Variants in ATR observed in about 807,000 individuals in gnomAD.
ATR encodes the protein ATR checkpoint kinase.
Under a neutral mutation model 305.3 loss-of-function variants are expected in ATR, and 142 were observed. The observed-to-expected ratio is 0.47, with a 90% CI of 0.41 to 0.53. The LOEUF is 0.53. ATR is among the 20% of genes least tolerant of loss of function. The pLI, the probability that ATR is intolerant of heterozygous loss-of-function variation, is 0.00. For synonymous variants in ATR, 1,050 were observed against 1,068.1 expected, an observed-to-expected ratio of 0.98 and a Z score of 0.33; for missense variants, 2,135 against 3,133.1, an observed-to-expected ratio of 0.68 and a Z score of 7.60.
chr3:142,543,286 TATC>T (rs2034123575), intron 16 of ATR, among the ~76,000 whole-genome samples: 1 of 152,280 alleles, frequency 6.6e-6, no homozygotes, highest in African/African-American at 2.4e-5. Flanking sequence ...GCAGACTAGA[TATC>T]ATCATCCATG....
intron 46 of ATR, chr3:142,450,557 A>C: frequency 6.2e-7 from 1 of 1,607,572 alleles, no homozygotes; most frequent in South Asian, 1.1e-5. Flanking sequence ...GTACCCTTTG[A>C]AGCACAAACT....
intron 15 of ATR, 62 bp from the exon 16 acceptor site, chr3:142,547,972 T>TGA: frequency 7.0e-7 from 1 of 1,430,980 alleles, no homozygotes. Flanking sequence ...GAAATAAGTA[T>TGA]ACTGATTTTA....
chr3:142,465,274 C>A (rs2071101602), intron 40 of ATR, 34 bp from the exon 41 acceptor site: 3 of 1,566,266 alleles, frequency 1.9e-6, no homozygotes, highest in African/African-American at 1.4e-5. Flanking sequence ...GAATTAGGGC[C>A]AAAAATTTCT....
chr3:142,553,989 A>T lies in ATR; in HGVS notation c.2368T>A (p.Cys790Ser). 6.2e-7 allele frequency: 1 copy of T among 1,609,296 alleles called. No individual in the cohort carries two copies. The highest frequency in any genetic ancestry group is 1.7e-5 in the Admixed American group (1 of 59,610). Residue 790 changes from cysteine to serine, a missense_variant, in exon 11 of 47, where the codon TGT (cysteine) becomes AGT (serine). Cys to Ser is a moderately radical substitution (Grantham distance 112, BLOSUM62 -1). Coordinates refer to ENST00000350721, the MANE Select transcript of ATR (RefSeq NM_001184.4). ...LAFIDNLHHL[C>S]KHLDFREDET... ...TCTTCTCTAAAATCAAGATGCTTAC[A>T]AAGATGATGTAGATTATCTATGAAA...
chr3:142,480,194 T>G (rs990686264), intron 36 of ATR, among the ~76,000 whole-genome samples: 1 of 152,236 alleles, frequency 6.6e-6, no homozygotes, highest in Non-Finnish European at 1.5e-5. Flanking sequence ...TTTTCTGTTC[T>G]GTTTTTTCCC....
rs997244575 is a variant in ATR, at chr3:142,519,795, A to T, written c.4267-11T>A. The T allele has an allele frequency of 6.4e-7, 1 of 1,555,674 alleles. No homozygotes were observed. Among genetic ancestry groups the T allele is most frequent in the East Asian group, 2.2e-5 (1 of 44,584 alleles). On this transcript the variant is annotated splice_polypyrimidine_tract_variant and intron_variant, in intron 23 of 46. Coordinates refer to ENST00000350721, the MANE Select transcript of ATR (RefSeq NM_001184.4). ...AATAGAAAGCAACTCCTACAAATAC[A>T]TATTTTACATTTGTAAGTCCACAGT...
chr3:142,499,878 T>C (rs1040891756), intron 30 of ATR, 160 bp from the exon 31 acceptor site: 11 of 611,630 alleles, frequency 1.8e-5, no homozygotes, highest in Non-Finnish European at 1.6e-5. Flanking sequence ...CCAGAAACTA[T>C]CCAGAAAATT....
chr3:142,494,419 T>C (rs1157960338), intron 34 of ATR, among the ~76,000 whole-genome samples: 1 of 152,220 alleles, frequency 6.6e-6, no homozygotes, highest in Non-Finnish European at 1.5e-5. Context: ...AATAAAAGCA[T>C]ATTTGCTAAG....
Position 142,497,019 on chromosome 3 carries a change from T to C in ATR, c.5732A>G (p.Asn1911Ser), listed in dbSNP as rs587783334. 4 of 1,612,808 alleles carry C rather than the reference T, an allele frequency of 2.5e-6. No homozygotes were observed. The highest frequency in any genetic ancestry group is 3.4e-5 in the Admixed American group (2 of 59,598). Residue 1911 changes from asparagine (N) to serine (S), a missense_variant, in exon 33 of 47, where the codon AAC becomes AGC. This residue lies in a region of ATR where 30 missense variants were observed against 26.7 expected (regional missense o/e 1.12). Transcript: ENST00000350721. ...AAAAAGTAGTGTGAGAAACCTTTTG[T>C]TGAGGCTTAGTAAAGCCCTCCGGAG... ...LALRRALLSL[N>S]KRPDYNEMVG...
In ATR at chr3:142,453,180, T is replaced by C. The variant is rs2070830602; in HGVS notation, c.7709A>G (p.Lys2570Arg). 2 of 1,613,978 alleles carry C rather than the reference T, an allele frequency of 1.2e-6. No individual in the cohort carries two copies. Among genetic ancestry groups the C allele is most frequent in the Non-Finnish European group, 1.7e-6 (2 of 1,179,872 alleles). ...ATTCAGTGGCGCTTTGGAATGCCCT[T>C]TCACTGGTTTACTCCATTCCACAAG... ...DPLVEWSKPV[K>R]GHSKAPLNET... The change falls in exon 46 of 47, where the codon AAA becomes AGA. Residue 2570 changes from lysine (K) to arginine (R), a missense_variant. By Grantham distance (26) the Lys-to-Arg change is conservative (BLOSUM62 2). Transcript: ENST00000350721.
At chr3:142,504,778 A>T (rs1052881568) in intron 29 of ATR, among the ~76,000 whole-genome samples, 3 of 152,184 alleles carry the variant, frequency 2.0e-5, no homozygotes, top group Non-Finnish European at 2.9e-5. Context: ...AGGAATTTTT[A>T]AAATCATCTA....
At chr3:142,482,211 T>C (rs536709494) in intron 36 of ATR, among the ~76,000 whole-genome samples, 29 of 152,220 alleles carry the variant, frequency 1.9e-4, no homozygotes, top group African/African-American at 6.7e-4. Context: ...AATTGGATCC[T>C]AGATTCTTAA....
chr3:142,516,634 G>A (rs188613079), intron 24 of ATR, among the ~76,000 whole-genome samples: 6 of 151,876 alleles, frequency 4.0e-5, no homozygotes, highest in Non-Finnish European at 8.8e-5. Flanking sequence ...ATTGCTTCCC[G>A]CAATGAAATC....
chr3:142,566,518 G>C (rs2035078041), intron 2 of ATR, among the ~76,000 whole-genome samples: 2 of 151,888 alleles, frequency 1.3e-5, no homozygotes, highest in African/African-American at 4.8e-5. Context: ...AGCTACTCAG[G>C]GGGCTGAGGC....
intron 38 of ATR, among the ~76,000 whole-genome samples, chr3:142,468,782 G>C (rs1345201249): frequency 6.6e-6 from 1 of 152,126 alleles, no homozygotes; most frequent in East Asian, 1.9e-4. Flanking sequence ...TTGAGCCCAA[G>C]AGTTTGAGCC....
In ATR at chr3:142,556,473, G is replaced by A. The variant is rs2108473047; in HGVS notation, c.1988C>T (p.Ser663Phe). 3 of 1,613,930 alleles carry A rather than the reference G, an allele frequency of 1.9e-6. No individual in the cohort carries two copies. Among genetic ancestry groups the A allele is most frequent in the East Asian group, 2.2e-5 (1 of 44,884 alleles). The change falls in exon 9 of 47, where the codon TCC (serine) becomes TTC (phenylalanine). Residue 663 changes from serine to phenylalanine, a missense_variant. By Grantham distance (155) the Ser-to-Phe change is radical. Around this residue, in one of 9 missense-constraint regions of ATR, gnomAD observed 744 missense variants for 873.2 expected, o/e 0.85. Transcript: ENST00000350721. Reference sequence around the variant, plus strand: ...ACAACTAGCCCGGATTACTTCATGGGAGCTCTGCAGGGCCCAGTTGTAAAC... The same window carrying A: ...ACAACTAGCCCGGATTACTTCATGGAAGCTCTGCAGGGCCCAGTTGTAAAC... ...TAVYNWALQS[S>F]HEVIRASCVS...
intron 16 of ATR, among the ~76,000 whole-genome samples, chr3:142,546,480 G>C (rs540952698): frequency 1.3e-5 from 2 of 152,240 alleles, no homozygotes; most frequent in East Asian, 3.9e-4. Context: ...ACCAAGCTCA[G>C]AGGCAGTCTG....
chr3:142,494,008 T>C (rs144688514), intron 34 of ATR, among the ~76,000 whole-genome samples: 5,956 of 151,754 alleles, frequency 0.039, 389 homozygotes, highest in African/African-American at 0.14. Flanking sequence ...CACTCCAGCC[T>C]GGGCAACAGA....
At chr3:142,452,893 T>TA (rs2070823406) in intron 46 of ATR, 1 of 1,364,210 alleles carries the variant, frequency 7.3e-7, no homozygotes, top group African/African-American at 1.5e-5. Context: ...TGTCTATGGT[T>TA]AAACAAGTGT....
Sources: gnomAD v4.1 joint callset for allele counts (sites outside exome capture counted in the v4.1 genomes callset) on GRCh38, gnomAD v4.1.1 for gene constraint, gnomAD v4.1.1 regional missense constraint, MANE v1.5 for transcripts, NCBI Gene and HGNC (gene_info 2026-07-23, HGNC 2026-07-21) for gene names.